Variants in RAPGEF6 observed in about 807,000 individuals in gnomAD.
RAPGEF6 encodes the protein Rap guanine nucleotide exchange factor 6.
A neutral mutation model predicts 171.4 loss-of-function variants in RAPGEF6; 56 were observed. That is an observed-to-expected ratio of 0.33 (90% CI 0.26 to 0.41). RAPGEF6 has a LOEUF of 0.41. Ranked by LOEUF, RAPGEF6 falls within the 10% of genes least tolerant of loss-of-function variation. The pLI is 1.00. For synonymous variants in RAPGEF6, 692 were observed against 650.1 expected, an observed-to-expected ratio of 1.06 and a Z score of -0.98; for missense variants, 1,674 against 1,921.4, an observed-to-expected ratio of 0.87 and a Z score of 2.41.
intron 1 of RAPGEF6, among the ~76,000 whole-genome samples, chr5:131,620,937 G>A (rs1290281876): frequency 1.3e-5 from 2 of 152,172 alleles, no homozygotes; most frequent in Non-Finnish European, 2.9e-5. Context: ...CTTTCTGGAA[G>A]CCAAATCTAA....
At chr5:131,587,495 C>T (rs1030167349) in intron 4 of RAPGEF6, among the ~76,000 whole-genome samples, 7 of 152,140 alleles carry the variant, frequency 4.6e-5, no homozygotes, top group Admixed American at 4.6e-4. Flanking sequence ...ATTAGACAAA[C>T]ATTCAATGTA....
intron 1 of RAPGEF6, among the ~76,000 whole-genome samples, chr5:131,620,598 CTTTTT>C (rs570553178): frequency 6.9e-6 from 1 of 145,114 alleles, no homozygotes; most frequent in South Asian, 2.2e-4. Flanking sequence ...TTTTTCTTTT[CTTTTT>C]TTTTTGAGAC....
chr5:131,574,833 C>T (rs1435965077), intron 4 of RAPGEF6, among the ~76,000 whole-genome samples: 1 of 152,038 alleles, frequency 6.6e-6, no homozygotes, highest in Non-Finnish European at 1.5e-5. Context: ...AAAACCTAAT[C>T]ACCCTTACCC....
intron 4 of RAPGEF6, among the ~76,000 whole-genome samples, chr5:131,572,075 A>T (rs1762333084): frequency 6.6e-6 from 1 of 151,906 alleles, no homozygotes; most frequent in Non-Finnish European, 1.5e-5. Context: ...CCTTTCTTGG[A>T]CTCAGCCCAC....
At position 131,427,171 on chromosome 5, in the gene RAPGEF6, T is replaced by G; in HGVS notation, c.*95A>C. The G allele has an allele frequency of 8.7e-6, 10 of 1,145,980 alleles. No individual in the cohort carries two copies. Among genetic ancestry groups the G allele is most frequent in the Non-Finnish European group, 1.3e-5 (10 of 754,536 alleles). 71.0% of individuals were successfully genotyped at this position (1,145,980 alleles called of 1,614,324 possible). On this transcript the variant is annotated 3_prime_UTR_variant, in exon 28 of 28. Coordinates refer to ENST00000509018, the MANE Select transcript of RAPGEF6 (RefSeq NM_016340.6). ...AAAACCTCTGGACTGGTTGTAGCAA[T>G]GAGCTGTTCGTTAGCAATGGCCTGC...
chr5:131,567,361 A>G (rs1362518342), intron 4 of RAPGEF6, among the ~76,000 whole-genome samples: 1 of 152,134 alleles, frequency 6.6e-6, no homozygotes, highest in Admixed American at 6.5e-5. Context: ...TTTCATTCTT[A>G]AGATGACTAG....
intron 4 of RAPGEF6, 137 bp from the exon 5 acceptor site, chr5:131,562,184 T>G (rs1408084510): frequency 8.6e-6 from 5 of 582,466 alleles, no homozygotes; most frequent in Non-Finnish European, 1.4e-5. Flanking sequence ...AATATTTATG[T>G]TAAGATTTTC....
At chr5:131,484,100 A>C (rs1299223997) in intron 15 of RAPGEF6, among the ~76,000 whole-genome samples, 2 of 151,108 alleles carry the variant, frequency 1.3e-5, no homozygotes, top group Non-Finnish European at 3.0e-5. Context: ...CATCTCAAAA[A>C]AAAAAAAAAA....
At chr5:131,583,907 C>T (rs1381267597) in intron 4 of RAPGEF6, among the ~76,000 whole-genome samples, 2 of 152,146 alleles carry the variant, frequency 1.3e-5, no homozygotes, top group Non-Finnish European at 2.9e-5. Flanking sequence ...AATAATTTTA[C>T]TGAGTGCAAG....
intron 4 of RAPGEF6, 75 bp downstream of exon 4, chr5:131,592,308 C>T: frequency 6.4e-7 from 1 of 1,555,034 alleles, no homozygotes; most frequent in Non-Finnish European, 8.7e-7. Flanking sequence ...GTATCACTTA[C>T]TGAAAGAAAA....
rs78777648 is a variant in RAPGEF6 at position 131,464,856 on chromosome 5, C to T, written c.2240-575G>A. ...ATACTGCCAAACTGTTCTCCAGAGACGTTATAATATTTTATAATCCTAGAG... is the reference window on the plus strand; with the variant it reads ...ATACTGCCAAACTGTTCTCCAGAGATGTTATAATATTTTATAATCCTAGAG... On this transcript the variant is annotated intron_variant, in intron 17 of 27. Coordinates refer to ENST00000509018, the MANE Select transcript of RAPGEF6 (RefSeq NM_016340.6). 1.3e-3 allele frequency among the ~76,000 whole-genome samples: 192 copies of T among 152,166 alleles called. 1 individual carries two copies. Among genetic ancestry groups the T allele is most frequent in the African/African-American group, 4.0e-3 (168 of 41,504 alleles).
intron 13 of RAPGEF6, among the ~76,000 whole-genome samples, chr5:131,493,845 G>A (rs1268310553): frequency 6.6e-6 from 1 of 151,992 alleles, no homozygotes; most frequent in East Asian, 1.9e-4. Flanking sequence ...TATTTACAAA[G>A]CCAACACAGG....
intron 21 of RAPGEF6, chr5:131,446,960 T>C: frequency 2.5e-6 from 1 of 400,900 alleles, no homozygotes; most frequent in South Asian, 2.9e-5. Flanking sequence ...CAGGCCTGTG[T>C]TTGTGCCTAT....
At chr5:131,597,275 A>G (rs773448881) in intron 3 of RAPGEF6, among the ~76,000 whole-genome samples, 5 of 152,106 alleles carry the variant, frequency 3.3e-5, no homozygotes, top group Non-Finnish European at 7.4e-5. Flanking sequence ...GTGGGAACGT[A>G]AATTAGTAGT....
At chr5:131,445,170 G>A (rs115201506) in intron 22 of RAPGEF6, among the ~76,000 whole-genome samples, 3 of 151,996 alleles carry the variant, frequency 2.0e-5, no homozygotes, top group African/African-American at 4.8e-5. Context: ...CTATCCTTTC[G>A]TAGGTATTCT....
intron 5 of RAPGEF6, among the ~76,000 whole-genome samples, chr5:131,548,861 T>A (rs1038623279): frequency 1.3e-5 from 2 of 151,998 alleles, no homozygotes; most frequent in African/African-American, 4.8e-5. Flanking sequence ...TTATTAAAGG[T>A]GAGTTGGCAA....
chr5:131,553,705 A>C (rs1461463118), intron 5 of RAPGEF6, among the ~76,000 whole-genome samples: 1 of 152,202 alleles, frequency 6.6e-6, no homozygotes, highest in African/African-American at 2.4e-5. Context: ...CAACTGAGTT[A>C]AGATCAAGGA....
At chr5:131,587,366 C>G (rs1409176399) in intron 4 of RAPGEF6, among the ~76,000 whole-genome samples, 1 of 152,066 alleles carries the variant, frequency 6.6e-6, no homozygotes, top group Non-Finnish European at 1.5e-5. Context: ...TTCAGAGATA[C>G]AAGACTGATT....
At position 131,498,268 on chromosome 5, in the gene RAPGEF6, T is replaced by C. The variant is rs769965957; in HGVS notation, c.1419+175A>G. 2.0e-5 allele frequency among the ~76,000 whole-genome samples: 3 copies of C among 152,372 alleles called. No homozygotes were observed. The South Asian group carries it at 6.2e-4, about 32-fold the overall frequency. On this transcript the variant is annotated intron_variant, in intron 12 of 27. Coordinates refer to ENST00000509018, the MANE Select transcript of RAPGEF6 (RefSeq NM_016340.6). ...TTAAGGCTCTCGTCCACTTTTAGCATGCTATTCTGTCATAAAAGTAAGCAG... is the reference window on the plus strand; with the variant it reads ...TTAAGGCTCTCGTCCACTTTTAGCACGCTATTCTGTCATAAAAGTAAGCAG...
Sources: allele counts gnomAD v4.1 joint callset (sites outside exome capture counted in the v4.1 genomes callset), GRCh38; gene constraint gnomAD v4.1.1; transcripts MANE v1.5; gene names NCBI Gene and HGNC (gene_info 2026-07-23, HGNC 2026-07-21).